PLEKHA5: variants seen among roughly 807,000 people sequenced by gnomAD.
PLEKHA5 encodes the protein pleckstrin homology domain containing A5.
A neutral mutation model predicts 181.9 loss-of-function variants in PLEKHA5; 55 were observed. The ratio of observed to expected loss-of-function variants is 0.30; its 90% confidence interval spans 0.24 to 0.38. The LOEUF (loss-of-function observed/expected upper bound fraction) is 0.38, where lower values mean the gene tolerates loss of function less well. Ranked by LOEUF, PLEKHA5 falls within the 10% of genes least tolerant of loss-of-function variation. PLEKHA5 has a pLI of 1.00. For synonymous variants in PLEKHA5, 535 were observed against 529.4 expected (o/e 1.01, Z -0.15); for missense variants, 1,432 against 1,549.5 (o/e 0.92, Z 1.27).
At chr12:19,245,125 C>T (rs1398389220) in intron 3 of PLEKHA5, among the ~76,000 whole-genome samples, 3 of 152,174 alleles carry the variant, frequency 2.0e-5, no homozygotes, top group Non-Finnish European at 4.4e-5. Context: ...TACCCTTTTA[C>T]CTTCCCAAAG....
At chr12:19,294,337 G>GT (rs1357214497) in intron 15 of PLEKHA5, among the ~76,000 whole-genome samples, 1 of 152,008 alleles carries the variant, frequency 6.6e-6, no homozygotes, top group Non-Finnish European at 1.5e-5. Flanking sequence ...TGCCAGTAGC[G>GT]TAACATTTTA....
chr12:19,277,091 T>G (rs1030986615), intron 11 of PLEKHA5, among the ~76,000 whole-genome samples: 1 of 152,138 alleles, frequency 6.6e-6, no homozygotes, highest in South Asian at 2.1e-4. Context: ...GCTTATATAT[T>G]ACTAGCAGGA....
chr12:19,218,504 A>G (rs2058379934), intron 3 of PLEKHA5, among the ~76,000 whole-genome samples: 1 of 152,168 alleles, frequency 6.6e-6, no homozygotes. Context: ...TATGAAAGAA[A>G]CCTAAATTTC....
At chr12:19,265,921 G>C (rs902072024) in intron 8 of PLEKHA5, 71 bp downstream of exon 8, 2 of 737,624 alleles carry the variant, frequency 2.7e-6, no homozygotes, top group African/African-American at 3.6e-5. Flanking sequence ...TTGAGCCATA[G>C]ATTATTACAA....
At chr12:19,309,244 A>G (rs927023975) in intron 15 of PLEKHA5, among the ~76,000 whole-genome samples, 1 of 151,986 alleles carries the variant, frequency 6.6e-6, no homozygotes, top group Admixed American at 6.6e-5. Context: ...CAAATAGTAT[A>G]TTTTGAAGTA....
At chr12:19,317,800 AC>A (rs2089411848) in intron 16 of PLEKHA5, among the ~76,000 whole-genome samples, 1 of 152,034 alleles carries the variant, frequency 6.6e-6, no homozygotes, top group South Asian at 2.1e-4. Flanking sequence ...AATCCATATA[AC>A]ACACTCCTCA....
At chr12:19,258,708 G>A (rs879878418) in intron 6 of PLEKHA5, among the ~76,000 whole-genome samples, 1 of 151,884 alleles carries the variant, frequency 6.6e-6, no homozygotes, top group Admixed American at 6.6e-5. Flanking sequence ...GGGATTACTG[G>A]CATGTGCCAC....
intron 3 of PLEKHA5, among the ~76,000 whole-genome samples, chr12:19,161,483 G>A (rs757412380): frequency 4.6e-5 from 7 of 152,048 alleles, no homozygotes; most frequent in East Asian, 1.9e-4. Context: ...TTATTAAAAC[G>A]CACAATCAGC....
chr12:19,183,734 G>A (rs1408104660), intron 3 of PLEKHA5, among the ~76,000 whole-genome samples: 1 of 152,028 alleles, frequency 6.6e-6, no homozygotes, highest in East Asian at 1.9e-4. Flanking sequence ...TATTTTTTGA[G>A]ATGGAGTCTT....
intron 3 of PLEKHA5, among the ~76,000 whole-genome samples, chr12:19,227,974 A>G (rs912580865): frequency 6.6e-6 from 1 of 152,176 alleles, no homozygotes; most frequent in Non-Finnish European, 1.5e-5. Context: ...TTCTGTAGTC[A>G]TTCACTGCAT....
rs1282723438 is a variant in PLEKHA5 at position 19,366,108 on chromosome 12, A to G, written c.3753A>G (p.Ala1251=). The G allele has an allele frequency of 6.2e-7, 1 of 1,608,968 alleles. No individual in the cohort carries two copies. Among genetic ancestry groups the G allele is most frequent in the Non-Finnish European group, 8.5e-7 (1 of 1,177,054 alleles). Residue 1251 remains alanine, a splice_region_variant and synonymous_variant, in exon 30 of 32, where the codon GCA becomes GCG. Transcript: ENST00000429027. ...PEVSRGNQTM[A]VKSLSPSPES... ...TTTCTAGAGGAAATCAAACAATGGC[A>G]GGTAGGTAGTATACACTTCATAATT...
chr12:19,213,615 C>T (rs1053159547), intron 3 of PLEKHA5, among the ~76,000 whole-genome samples: 1 of 151,960 alleles, frequency 6.6e-6, no homozygotes, highest in African/African-American at 2.4e-5. Context: ...GTGTGGAGGA[C>T]AAATTGAAGG....
At chr12:19,227,286 CTTT>C (rs79530115) in intron 3 of PLEKHA5, among the ~76,000 whole-genome samples, 1 of 131,378 alleles carries the variant, frequency 7.6e-6, no homozygotes, top group Non-Finnish European at 1.7e-5. Context: ...CTAGTGATTT[CTTT>C]TTTTTTTTTT....
chr12:19,336,507 G>T lies in PLEKHA5; in HGVS notation c.2449-8G>T. 2.0e-6 allele frequency: 3 copies of T among 1,467,142 alleles called. No individual in the cohort carries two copies. In the South Asian group the frequency reaches 3.5e-5, roughly 17 times the overall value. The allele number at this position is 1,467,142 out of a possible 1,614,324, so 90.9% of individuals were successfully genotyped here. ...CCCATTAAAGTAATTAACACTTTTT[G>T]GTTTTAGGAATTGGAACGAGCATGG... On this transcript the variant is annotated splice_region_variant and splice_polypyrimidine_tract_variant and intron_variant, in intron 20 of 31. Coordinates refer to ENST00000429027, the MANE Select transcript of PLEKHA5 (RefSeq NM_001256470.2).
Position 19,164,742 on chromosome 12 carries a change from A to G in PLEKHA5, c.227+32292A>G, listed in dbSNP as rs538642674. Among the ~76,000 whole-genome samples, 3 of 152,130 alleles carry G rather than the reference A, an allele frequency of 2.0e-5. No homozygotes were observed. In the South Asian group the frequency reaches 6.2e-4, roughly 32 times the overall value. On this transcript the variant is annotated intron_variant, in intron 3 of 31. Coordinates refer to ENST00000429027, the MANE Select transcript of PLEKHA5 (RefSeq NM_001256470.2). Reference sequence around the variant, plus strand: ...TATCCTTAATGTGTGCTTATTCTCGATATCTGTTCTCCCTGAGTGGCCTTA... The same window carrying G: ...TATCCTTAATGTGTGCTTATTCTCGGTATCTGTTCTCCCTGAGTGGCCTTA...
At chr12:19,153,437 A>G (rs1230028733) in intron 3 of PLEKHA5, 4 of 152,270 alleles carry the variant, frequency 2.6e-5, no homozygotes, top group Non-Finnish European at 5.9e-5. Flanking sequence ...CCAAGTTAAT[A>G]AAGTTTGTAT....
chr12:19,276,159 G>T (rs1479471836), intron 11 of PLEKHA5, among the ~76,000 whole-genome samples: 1 of 152,174 alleles, frequency 6.6e-6, no homozygotes, highest in Admixed American at 6.5e-5. Context: ...AGAATCAAAA[G>T]AAATCCAGTA....
intron 15 of PLEKHA5, chr12:19,307,601 C>T (rs1347923094): frequency 3.1e-6 from 1 of 327,280 alleles, no homozygotes; most frequent in Non-Finnish European, 6.1e-6. Flanking sequence ...GGACTCTCAT[C>T]TTCTAGACAC....
intron 13 of PLEKHA5, 87 bp downstream of exon 13, chr12:19,287,643 T>G: frequency 1.3e-6 from 1 of 756,660 alleles, no homozygotes; most frequent in South Asian, 1.6e-5. Context: ...TAAGTTTGAA[T>G]TTTCAGAGGT....
Sources: allele counts gnomAD v4.1 joint callset (sites outside exome capture counted in the v4.1 genomes callset), GRCh38; gene constraint gnomAD v4.1.1; transcripts MANE v1.5; gene names NCBI Gene and HGNC (gene_info 2026-07-23, HGNC 2026-07-21).